The following IPPK variants were observed in gnomAD, a reference collection of about 807,000 sequenced individuals.
The protein encoded by IPPK is IPK1 homolog.
IPPK carries 22 observed loss-of-function variants against 64.6 expected under a neutral mutation model. The ratio of observed to expected loss-of-function variants is 0.34; its 90% CI spans 0.24 to 0.49. IPPK has a LOEUF of 0.49. Ranked by LOEUF, IPPK falls within the 20% of genes least tolerant of loss-of-function variation. The probability of loss-of-function intolerance (pLI) is 0.99; values close to 1 mark genes in which losing one functional copy is unlikely to be tolerated. For missense variants in IPPK, 532 were observed against 630.7 expected (o/e 0.84, Z 1.68); for synonymous variants, 262 against 247.2 (o/e 1.06, Z -0.56).
At chr9:92,640,828 A>G in intron 7 of IPPK, 46 bp from the exon 8 acceptor site, 4 of 1,330,690 alleles carry the variant, frequency 3.0e-6, no homozygotes, top group African/African-American at 2.9e-5. Flanking sequence ...GCTGGAACTG[A>G]CCTGTCCCTG....
intron 11 of IPPK, among the ~76,000 whole-genome samples, chr9:92,630,673 TA>T (rs369557202): frequency 0.013 from 1,923 of 145,502 alleles, 18 homozygotes; most frequent in Non-Finnish European, 0.022. Context: ...AAATTATGAC[TA>T]AAAAAAAAAA....
At chr9:92,668,549 A>C (rs1434473742) in intron 1 of IPPK, among the ~76,000 whole-genome samples, 1 of 152,254 alleles carries the variant, frequency 6.6e-6, no homozygotes, top group Non-Finnish European at 1.5e-5. Context: ...AGGTTTACCT[A>C]AAATGCAGAG....
intron 9 of IPPK, among the ~76,000 whole-genome samples, chr9:92,637,255 G>C (rs185297061): frequency 6.6e-6 from 1 of 152,138 alleles, no homozygotes; most frequent in South Asian, 2.1e-4. Flanking sequence ...GCAGTGAGTC[G>C]AGATCACACA....
In IPPK at chr9:92,638,054, T is replaced by C; in HGVS notation, c.863A>G (p.Gln288Arg). ...GCTGGCTTCGCAGACTCGCGGGCCC[T>C]GAGGCCCGAGCCCCGGACTCAGGGT... is the stretch of plus-strand genomic sequence containing the variant. ...AGTLSPGLGP[Q>R]GPRVCEASPF... Residue 288 changes from glutamine to arginine, a missense_variant, in exon 9 of 13, where the codon CAG becomes CGG. Gln to Arg is a conservative substitution (Grantham distance 43). Coordinates refer to ENST00000287996, the MANE Select transcript of IPPK (RefSeq NM_022755.6). The C allele has an allele frequency of 3.1e-6, 5 of 1,604,308 alleles. No individual in the cohort carries two copies. The highest frequency in any genetic ancestry group is 3.4e-6 in the Non-Finnish European group (4 of 1,176,230).
intron 3 of IPPK, among the ~76,000 whole-genome samples, chr9:92,653,041 T>C (rs1198155219): frequency 1.3e-5 from 2 of 152,134 alleles, no homozygotes; most frequent in Admixed American, 1.3e-4. Flanking sequence ...TACTGACCAC[T>C]CAGACAACCT....
At chr9:92,645,834 A>G (rs560491990) in intron 6 of IPPK, among the ~76,000 whole-genome samples, 1 of 152,278 alleles carries the variant, frequency 6.6e-6, no homozygotes, top group South Asian at 2.1e-4. Flanking sequence ...ATTCATTGCT[A>G]GAAAACCTAC....
Position 92,613,493 on chromosome 9 carries a change from A to G in IPPK, c.*2339T>C. 3.7e-6 allele frequency: 1 copy of G among 271,080 alleles called. No homozygotes were observed. The highest frequency in any genetic ancestry group is 4.1e-5 in the South Asian group (1 of 24,504). 16.8% of individuals were successfully genotyped at this position (271,080 alleles called of 1,614,324 possible). On this transcript the variant is annotated 3_prime_UTR_variant, in exon 13 of 13. Transcript: ENST00000287996. ...AGTCCACCTTGGACATGGTGGCCACATTACTCAGCTGGGAGAAGCCACCCT... is the reference window on the plus strand; with the variant it reads ...AGTCCACCTTGGACATGGTGGCCACGTTACTCAGCTGGGAGAAGCCACCCT...
chr9:92,649,570 A>C lies in IPPK; in HGVS notation c.297T>G (p.Ser99=). ...GAGTATCCAGGTCCTTGTCACAGCG[A>C]GACTCTGGAAAACAGAGCAAGGGTC... The part of the protein sequence containing the change: ...CLKIQSERPE[S]RCDKDLDTLS... Residue 99 remains serine, a synonymous_variant, in exon 5 of 13, where the codon TCT becomes TCG. Transcript: ENST00000287996. The C allele has an allele frequency of 6.2e-7, 1 of 1,614,066 alleles. No homozygotes were observed. Among genetic ancestry groups the C allele is most frequent in the Non-Finnish European group, 8.5e-7 (1 of 1,179,980 alleles).
intron 11 of IPPK, among the ~76,000 whole-genome samples, chr9:92,625,950 T>C (rs1161866343): frequency 6.6e-6 from 1 of 152,036 alleles, no homozygotes; most frequent in African/African-American, 2.4e-5. Flanking sequence ...CAAGGTTTTA[T>C]TGTATCTGAT....
chr9:92,616,336 C>G, intron 12 of IPPK: 1 of 362,768 alleles, frequency 2.8e-6, no homozygotes, highest in Non-Finnish European at 5.1e-6. Flanking sequence ...GCCAGTGCAC[C>G]CCACCATACC....
intron 1 of IPPK, among the ~76,000 whole-genome samples, chr9:92,668,716 A>G (rs1282859242): frequency 1.3e-5 from 2 of 152,238 alleles, no homozygotes; most frequent in Non-Finnish European, 2.9e-5. Context: ...GCTTTAGGTT[A>G]GCCTGGTCCA....
chr9:92,639,561 C>A (rs929514279), intron 8 of IPPK, among the ~76,000 whole-genome samples: 1 of 152,116 alleles, frequency 6.6e-6, no homozygotes, highest in Non-Finnish European at 1.5e-5. Flanking sequence ...CTTTTCCAAG[C>A]TGATTTTGAC....
At chr9:92,668,364 G>A (rs532600233) in intron 1 of IPPK, among the ~76,000 whole-genome samples, 1 of 152,334 alleles carries the variant, frequency 6.6e-6, no homozygotes, top group South Asian at 2.1e-4. Context: ...TCAGGGAAGG[G>A]GGTGGACACA....
At chr9:92,642,956 G>C in intron 6 of IPPK, 146 bp from the exon 7 acceptor site, 1 of 696,862 alleles carries the variant, frequency 1.4e-6, no homozygotes, top group Non-Finnish European at 2.6e-6. Context: ...ACCTTTGCAG[G>C]TGCACATCAC....
chr9:92,632,048 G>C (rs1378995292), intron 11 of IPPK, among the ~76,000 whole-genome samples: 1 of 152,220 alleles, frequency 6.6e-6, no homozygotes, highest in African/African-American at 2.4e-5. Context: ...TTTAGCAAGA[G>C]TCTGTTCCTT....
chr9:92,625,133 T>G (rs985363928), intron 11 of IPPK, among the ~76,000 whole-genome samples: 1 of 152,212 alleles, frequency 6.6e-6, no homozygotes, highest in African/African-American at 2.4e-5. Flanking sequence ...TTGTGACAAG[T>G]CAGTGGGTTG....
intron 1 of IPPK, among the ~76,000 whole-genome samples, chr9:92,667,613 G>C: frequency 6.6e-6 from 1 of 152,302 alleles, no homozygotes; most frequent in Non-Finnish European, 1.5e-5. Context: ...AGTAAAGCAA[G>C]TTTAGATTTA....
intron 11 of IPPK, among the ~76,000 whole-genome samples, chr9:92,633,814 C>T (rs940641822): frequency 5.9e-5 from 9 of 152,170 alleles, no homozygotes; most frequent in South Asian, 2.1e-4. Flanking sequence ...TTGCCACATT[C>T]GTAATGGAAA....
At chr9:92,644,875 G>C (rs1321899131) in intron 6 of IPPK, among the ~76,000 whole-genome samples, 2 of 152,020 alleles carry the variant, frequency 1.3e-5, no homozygotes, top group South Asian at 2.1e-4. Context: ...AACACGCAAA[G>C]AAACAAGAAA....
Sources: allele counts gnomAD v4.1 joint callset (sites outside exome capture counted in the v4.1 genomes callset), GRCh38; gene constraint gnomAD v4.1.1; transcripts MANE v1.5; gene names NCBI Gene and HGNC (gene_info 2026-07-23, HGNC 2026-07-21).